Variants in MAGI3 observed in about 807,000 individuals in gnomAD.
MAGI3 encodes the protein membrane associated guanylate kinase, WW and PDZ domain containing 3.
A neutral mutation model predicts 121.8 loss-of-function variants in MAGI3; 43 were observed. That is an observed-to-expected ratio of 0.35 (90% confidence interval 0.28 to 0.46). The LOEUF (loss-of-function observed/expected upper bound fraction) is 0.46, where lower values mean the gene tolerates loss of function less well. Among genes scored for constraint, MAGI3 ranks in the 20% least tolerant of loss-of-function variants. MAGI3 has a pLI of 1.00. For synonymous variants in MAGI3, 553 were observed against 639.3 expected (o/e 0.86, Z 2.04); for missense variants, 1,547 against 1,797.3 (o/e 0.86, Z 2.52).
intron 16 of MAGI3, among the ~76,000 whole-genome samples, chr1:113,666,349 C>T (rs1394679816): frequency 6.6e-6 from 1 of 152,198 alleles, no homozygotes; most frequent in Non-Finnish European, 1.5e-5. Context: ...TCTACTTTAT[C>T]AACTAAGGTT....
chr1:113,602,942 CAA>C (rs2101755850), intron 6 of MAGI3, among the ~76,000 whole-genome samples: 1 of 151,260 alleles, frequency 6.6e-6, no homozygotes, highest in South Asian at 2.1e-4. Flanking sequence ...TAAAAAAAAT[CAA>C]AGTGTGTGTA....
chr1:113,629,759 T>TCTCTCTCTCCCTCTCC (rs1651492140), intron 9 of MAGI3, among the ~76,000 whole-genome samples: 10 of 80,504 alleles, frequency 1.2e-4, no homozygotes, highest in Non-Finnish European at 2.1e-4. Context: ...TCTCTCTCTC[T>TCTCTCTCTCCCTCTCC]CTCCCTCCCT....
intron 1 of MAGI3, among the ~76,000 whole-genome samples, chr1:113,405,079 T>C (rs1651601752): frequency 6.6e-6 from 1 of 152,136 alleles, no homozygotes; most frequent in Admixed American, 6.6e-5. Context: ...ATAAATAAGC[T>C]AAAGAAGGCA....
chr1:113,466,596 A>G (rs150794549), intron 1 of MAGI3, among the ~76,000 whole-genome samples: 1 of 152,266 alleles, frequency 6.6e-6, no homozygotes, highest in African/African-American at 2.4e-5. Context: ...CAATAGAGCC[A>G]TAAGGTTCCA....
intron 2 of MAGI3, chr1:113,576,766 A>G (rs6663791): frequency 0.066 from 10,031 of 152,296 alleles, 375 homozygotes; most frequent in Non-Finnish European, 0.075. Flanking sequence ...ATGAGGTTGA[A>G]GTGAAGGGTA....
At chr1:113,496,588 T>C (rs1453423570) in intron 1 of MAGI3, among the ~76,000 whole-genome samples, 1 of 152,244 alleles carries the variant, frequency 6.6e-6, no homozygotes, top group Non-Finnish European at 1.5e-5. Context: ...CTTGTTTGTT[T>C]ATCTGTTTAT....
At chr1:113,614,744 G>A in intron 7 of MAGI3, 86 bp downstream of exon 7, 2 of 890,992 alleles carry the variant, frequency 2.2e-6, no homozygotes, top group Non-Finnish European at 3.4e-6. Flanking sequence ...AGCACTTTAT[G>A]CTTCTGTGAT....
chr1:113,569,069 G>C (rs1461161910), intron 2 of MAGI3, among the ~76,000 whole-genome samples: 1 of 151,992 alleles, frequency 6.6e-6, no homozygotes, highest in African/African-American at 2.4e-5. Context: ...CATGTGATTG[G>C]CACATATGTA....
chr1:113,443,840 T>C (rs530632943), intron 1 of MAGI3, among the ~76,000 whole-genome samples: 1 of 152,352 alleles, frequency 6.6e-6, no homozygotes, highest in South Asian at 2.1e-4. Flanking sequence ...TTGTAAAAAT[T>C]GAGGTATAAT....
intron 16 of MAGI3, among the ~76,000 whole-genome samples, chr1:113,663,235 A>AATATATAT (rs3081634): frequency 0.068 from 9,784 of 143,868 alleles, 367 homozygotes; most frequent in South Asian, 0.11. Flanking sequence ...CAAAAACAGA[A>AATATATAT]ATATATATAT....
intron 6 of MAGI3, among the ~76,000 whole-genome samples, chr1:113,612,502 A>T (rs1650218288): frequency 6.6e-6 from 1 of 152,176 alleles, no homozygotes; most frequent in South Asian, 2.1e-4. Flanking sequence ...AAATGAATTG[A>T]TCCACTAAAT....
intron 19 of MAGI3, among the ~76,000 whole-genome samples, chr1:113,674,583 T>A (rs550470162): frequency 2.4e-4 from 37 of 152,182 alleles, no homozygotes; most frequent in Middle Eastern, 3.4e-3. Flanking sequence ...TTTTTTTTTT[T>A]AATTTTAAAC....
At chr1:113,504,690 C>T (rs1310490130) in intron 1 of MAGI3, among the ~76,000 whole-genome samples, 1 of 152,088 alleles carries the variant, frequency 6.6e-6, no homozygotes, top group Non-Finnish European at 1.5e-5. Flanking sequence ...ATACTCTATG[C>T]TCCAGTAATT....
chr1:113,614,050 G>A (rs191160549), intron 6 of MAGI3, among the ~76,000 whole-genome samples: 2 of 152,148 alleles, frequency 1.3e-5, no homozygotes, highest in African/African-American at 4.8e-5. Context: ...AAAGCACTGT[G>A]GTAGTTAGAT....
intron 6 of MAGI3, among the ~76,000 whole-genome samples, chr1:113,598,267 A>G (rs1217223): frequency 0.74 from 109,969 of 148,406 alleles, 41,042 homozygotes; most frequent in African/African-American, 0.78. Context: ...AAGCAATAGC[A>G]CAGTAAAGAA....
intron 1 of MAGI3, chr1:113,450,824 A>G (rs1056725772): frequency 9.8e-6 from 7 of 717,550 alleles, no homozygotes; most frequent in African/African-American, 6.9e-5. Flanking sequence ...GTCCTCCCAA[A>G]TGCATTAGAG....
At chr1:113,454,493 TTTTA>T (rs1440432603) in intron 1 of MAGI3, among the ~76,000 whole-genome samples, 1 of 152,144 alleles carries the variant, frequency 6.6e-6, no homozygotes. Context: ...ACAGAATTTC[TTTTA>T]TTTATTTATT....
At chr1:113,557,893 G>A (rs767601533) in intron 2 of MAGI3, among the ~76,000 whole-genome samples, 3 of 152,104 alleles carry the variant, frequency 2.0e-5, no homozygotes, top group Non-Finnish European at 4.4e-5. Flanking sequence ...AGACTTCACT[G>A]GCAATACCTC....
intron 1 of MAGI3, among the ~76,000 whole-genome samples, chr1:113,468,686 C>A (rs989278863): frequency 6.6e-6 from 1 of 151,930 alleles, no homozygotes; most frequent in Non-Finnish European, 1.5e-5. Flanking sequence ...AATTTGTCGT[C>A]AATAATTTTA....
Sources: allele counts gnomAD v4.1 joint callset (sites outside exome capture counted in the v4.1 genomes callset), GRCh38; gene constraint gnomAD v4.1.1; transcripts MANE v1.5; gene names NCBI Gene and HGNC (gene_info 2026-07-23, HGNC 2026-07-21).